The following SLC14A2 variants were observed in gnomAD, a reference collection of about 807,000 sequenced individuals.
SLC14A2 encodes the protein solute carrier family 14 member 2.
In SLC14A2, 91 loss-of-function variants were observed where a neutral mutation model predicts 104.6. The observed-to-expected ratio is 0.87, with a 90% CI of 0.73 to 1.04. SLC14A2 has a LOEUF of 1.04. Ranked by LOEUF, SLC14A2 falls within the 50% of genes least tolerant of loss-of-function variation. The probability of loss-of-function intolerance (pLI) is 0.00; values close to 1 mark genes in which losing one functional copy is unlikely to be tolerated. For missense variants in SLC14A2, 1,189 were observed against 1,156.0 expected (o/e 1.03, Z -0.41); for synonymous variants, 476 against 466.4 (o/e 1.02, Z -0.27).
At chr18:45,329,079 A>G (rs560157275) in intron 1 of SLC14A2, among the ~76,000 whole-genome samples, 61 of 152,368 alleles carry the variant, frequency 4.0e-4, no homozygotes, top group South Asian at 3.5e-3. Flanking sequence ...AGTGAAAGAA[A>G]AAAAGGAGAC....
At chr18:45,614,839 C>T (rs1444159096), upstream of SLC14A2, 3 of 149,618 alleles carry the variant, frequency 2.0e-5, no homozygotes, top group Non-Finnish European at 4.4e-5. Context: ...GCTCTGTCAC[C>T]CAGGCTGGAG....
intron 1 of SLC14A2, among the ~76,000 whole-genome samples, chr18:45,385,520 A>C (rs1264606292): frequency 6.6e-6 from 1 of 152,212 alleles, no homozygotes; most frequent in African/African-American, 2.4e-5. Context: ...GAGGATTGAA[A>C]ACACAATAGA....
rs149835341 is a variant in SLC14A2, at chr18:45,644,048, G to A, written c.1239G>A (p.Thr413=). 7.4e-5 allele frequency: 119 copies of A among 1,613,960 alleles called. No individual in the cohort carries two copies. The highest frequency in any genetic ancestry group is 1.6e-4 in the Middle Eastern group (1 of 6,084). ...CLATIIFLLL[T]TNNPAIFRLP... ...CCACCATCATCTTCCTGCTCCTGACGACAAACAACCCAGCCATCTTCAGAC... is the reference window on the plus strand; with the variant it reads ...CCACCATCATCTTCCTGCTCCTGACAACAAACAACCCAGCCATCTTCAGAC... The change falls in exon 10 of 20, where the codon ACG becomes ACA. Residue 413 remains threonine (T), a synonymous_variant. Transcript: ENST00000255226.
chr18:45,673,763 G>A lies in SLC14A2; in HGVS notation c.2458G>A (p.Gly820Arg). 1 of 1,614,204 alleles carries A rather than the reference G, an allele frequency of 6.2e-7. No homozygotes were observed. The highest frequency in any genetic ancestry group is 8.5e-7 in the Non-Finnish European group (1 of 1,180,012). ...FNSTLACIAI[G>R]GMFYVITWQT... Reference sequence around the variant, plus strand: ...CAGCACCCTCGCATGCATAGCGATAGGAGGCATGTTCTACGTCATCACCTG... The same window carrying A: ...CAGCACCCTCGCATGCATAGCGATAAGAGGCATGTTCTACGTCATCACCTG... Residue 820 changes from glycine (G) to arginine (R), a missense_variant, in exon 18 of 20, where the codon GGA becomes AGA. Transcript: ENST00000255226.
intron 1 of SLC14A2, among the ~76,000 whole-genome samples, chr18:45,470,347 A>G (rs2087224212): frequency 6.6e-6 from 1 of 152,080 alleles, no homozygotes; most frequent in South Asian, 2.1e-4. Flanking sequence ...ACTTTATTTT[A>G]ATTGTGTCTT....
chr18:45,231,249 C>A (rs2084171815), intron 1 of SLC14A2, among the ~76,000 whole-genome samples: 1 of 152,102 alleles, frequency 6.6e-6, no homozygotes, highest in Non-Finnish European at 1.5e-5. Context: ...ATCACCCAGG[C>A]TAGAGAGTGG....
chr18:45,519,492 C>T (rs1180622819), intron 2 of SLC14A2, among the ~76,000 whole-genome samples: 1 of 152,192 alleles, frequency 6.6e-6, no homozygotes, highest in East Asian at 1.9e-4. Context: ...CACCCCCATG[C>T]CCATGCGTGA....
At chr18:45,321,919 C>T (rs1013215608) in intron 1 of SLC14A2, among the ~76,000 whole-genome samples, 5 of 152,156 alleles carry the variant, frequency 3.3e-5, no homozygotes, top group African/African-American at 1.2e-4. Flanking sequence ...TCATTGAAGA[C>T]TTGGGCAGTC....
intron 2 of SLC14A2, among the ~76,000 whole-genome samples, chr18:45,518,857 G>C (rs1342029557): frequency 6.6e-6 from 1 of 152,210 alleles, no homozygotes; most frequent in Non-Finnish European, 1.5e-5. Context: ...GCAAAGGCCA[G>C]GGCAAGCAAG....
At chr18:45,509,157 G>A (rs983802420) in intron 2 of SLC14A2, among the ~76,000 whole-genome samples, 20 of 152,104 alleles carry the variant, frequency 1.3e-4, no homozygotes, top group Admixed American at 5.2e-4. Context: ...GGGATACCTT[G>A]CCCAGTCTTA....
chr18:45,368,049 T>C (rs778500594), intron 1 of SLC14A2, among the ~76,000 whole-genome samples: 5 of 152,082 alleles, frequency 3.3e-5, no homozygotes, highest in Non-Finnish European at 7.4e-5. Context: ...TGGGAATTCC[T>C]ACTGTGGGGA....
chr18:45,285,739 T>C (rs1286475736), intron 1 of SLC14A2, among the ~76,000 whole-genome samples: 2 of 150,652 alleles, frequency 1.3e-5, no homozygotes, highest in African/African-American at 4.9e-5. Flanking sequence ...CAGATGAATT[T>C]ATCTGCTGAC....
intron 1 of SLC14A2, among the ~76,000 whole-genome samples, chr18:45,469,998 A>G (rs981546229): frequency 3.3e-5 from 5 of 152,204 alleles, no homozygotes; most frequent in African/African-American, 1.2e-4. Context: ...AAAATCCCCA[A>G]ATGAAGTGTA....
At chr18:45,547,880 A>G (rs1350464385) in intron 2 of SLC14A2, among the ~76,000 whole-genome samples, 5 of 152,224 alleles carry the variant, frequency 3.3e-5, no homozygotes, top group East Asian at 1.9e-4. Context: ...GAGAAAGTCT[A>G]TGAGGGCCCA....
At chr18:45,505,349 G>A (rs2043265248) in intron 2 of SLC14A2, among the ~76,000 whole-genome samples, 1 of 152,112 alleles carries the variant, frequency 6.6e-6, no homozygotes, top group Non-Finnish European at 1.5e-5. Context: ...AAGACTGCCT[G>A]CTATCCATGT....
intron 1 of SLC14A2, among the ~76,000 whole-genome samples, chr18:45,432,419 G>A (rs966310709): frequency 6.6e-6 from 1 of 152,162 alleles, no homozygotes; most frequent in African/African-American, 2.4e-5. Flanking sequence ...CAATTGGGCA[G>A]GAATACTTCA....
intron 1 of SLC14A2, chr18:45,447,621 C>G (rs1001290565): frequency 6.6e-6 from 1 of 152,124 alleles, no homozygotes; most frequent in Non-Finnish European, 1.5e-5. Flanking sequence ...TTTGAAAAAT[C>G]AAAAACCAGC....
At chr18:45,581,502 C>A (rs560405492) in intron 2 of SLC14A2, among the ~76,000 whole-genome samples, 1 of 152,236 alleles carries the variant, frequency 6.6e-6, no homozygotes, top group Admixed American at 6.5e-5. Flanking sequence ...AGAAACTCAC[C>A]ACACCAAGTG....
At chr18:45,318,559 G>A (rs1474511516) in intron 1 of SLC14A2, among the ~76,000 whole-genome samples, 3 of 152,124 alleles carry the variant, frequency 2.0e-5, no homozygotes, top group African/African-American at 7.2e-5. Flanking sequence ...AGGCTGAGGT[G>A]GGCGGATCAC....
Sources: allele counts gnomAD v4.1 joint callset (sites outside exome capture counted in the v4.1 genomes callset), GRCh38; gene constraint gnomAD v4.1.1; transcripts MANE v1.5; gene names NCBI Gene and HGNC (gene_info 2026-07-23, HGNC 2026-07-21).